Variants in ERCC6 observed in about 807,000 individuals in gnomAD.
ERCC6 encodes the protein DNA excision repair protein ERCC-6.
Under a neutral mutation model 158.7 loss-of-function variants are expected in ERCC6, and 116 were observed. That is an observed-to-expected ratio of 0.73 (90% CI 0.63 to 0.85). The LOEUF (loss-of-function observed/expected upper bound fraction) is 0.85. ERCC6 is among the 40% of genes least tolerant of loss of function. ERCC6 has a pLI of 0.00. For synonymous variants in ERCC6, 678 were observed against 659.3 expected, an observed-to-expected ratio of 1.03 and a Z score of -0.43; for missense variants, 1,698 against 1,799.4, an observed-to-expected ratio of 0.94 and a Z score of 1.02.
intron 1 of ERCC6, among the ~76,000 whole-genome samples, chr10:49,534,399 G>A (rs188580072): frequency 3.7e-4 from 56 of 152,286 alleles, no homozygotes; most frequent in African/African-American, 1.3e-3. Flanking sequence ...GTCACACACA[G>A]GTGCAAGAAT....
the ERCC6 span, among the ~76,000 whole-genome samples, chr10:49,444,586 A>T: frequency 7.9e-5 from 12 of 152,226 alleles, no homozygotes; most frequent in Non-Finnish European, 4.4e-5. Flanking sequence ...AAATTAAAAG[A>T]AAAACATCGG....
At chr10:49,506,898 C>T (rs764243644) in intron 5 of ERCC6, among the ~76,000 whole-genome samples, 8 of 150,894 alleles carry the variant, frequency 5.3e-5, no homozygotes, top group Non-Finnish European at 7.4e-5. Context: ...CTCTGAATTT[C>T]ACAAAATGGT....
intron 8 of ERCC6, among the ~76,000 whole-genome samples, chr10:49,490,357 C>CTT (rs11400742): frequency 0.02 from 2,813 of 140,364 alleles, 96 homozygotes; most frequent in African/African-American, 0.063. Context: ...AAAAATTTTC[C>CTT]TTTTTTTTTT....
chr10:49,473,464 A>G lies in ERCC6; in HGVS notation c.2709+13T>C. ...CAGCACCACTCAACTTCCCTGTTAC[A>G]TTCACATGTTACCTCATTGTATCTC... On this transcript the variant is annotated intron_variant, in intron 14 of 20. Transcript: ENST00000355832. 2 of 1,520,700 alleles carry G rather than the reference A, an allele frequency of 1.3e-6. No homozygotes were observed. The highest frequency in any genetic ancestry group is 2.2e-5 in the East Asian group (1 of 44,466). The allele number at this position is 1,520,700 out of a possible 1,614,324, so 94.2% of individuals were successfully genotyped here.
chr10:49,447,959 G>A, the ERCC6 span, among the ~76,000 whole-genome samples: 1 of 152,266 alleles, frequency 6.6e-6, no homozygotes, highest in Admixed American at 6.5e-5. Context: ...CGCTTCAACT[G>A]TGTCCACATT....
In ERCC6 at chr10:49,500,597, T is replaced by C; in HGVS notation, c.1626A>G (p.Ile542Met). ...DEMGLGKTIQ[I>M]IAFLAGLSYS... ...AGCTCAGACCTGCCAAGAAGGCAAT[T>C]ATCTGGATGGTCTTGCCCAATCCCA... is the stretch of plus-strand genomic sequence containing the variant. The change falls in exon 7 of 21, where the codon ATA (isoleucine) becomes ATG (methionine). Residue 542 changes from isoleucine (I) to methionine (M), a missense_variant. Ile to Met is a conservative substitution (Grantham distance 10). Transcript: ENST00000355832. The C allele has an allele frequency of 6.2e-7, 1 of 1,614,026 alleles. No homozygotes were observed. Among genetic ancestry groups the C allele is most frequent in the Non-Finnish European group, 8.5e-7 (1 of 1,179,920 alleles).
the ERCC6 span, among the ~76,000 whole-genome samples, chr10:49,442,769 C>A: frequency 6.6e-6 from 1 of 152,232 alleles, no homozygotes; most frequent in African/African-American, 2.4e-5. Flanking sequence ...CCTTCTCAAG[C>A]TGCTCACTGC....
At chr10:49,536,823 G>A (rs550196665) in intron 1 of ERCC6, among the ~76,000 whole-genome samples, 4 of 152,276 alleles carry the variant, frequency 2.6e-5, no homozygotes, top group African/African-American at 9.6e-5. Flanking sequence ...GAGTCACGGG[G>A]TTGAAGATGC....
Position 49,470,759 on chromosome 10 carries a change from T to C in ERCC6, c.3201A>G (p.Thr1067=). The part of the protein sequence containing the change: ...PASNISVNDA[T]SSEEKSEAKG... Reference sequence around the variant, plus strand: ...TAGCCTCAGATTTCTCTTCAGATGATGTGGCATCATTTACAGATATGTTAG... The same window carrying C: ...TAGCCTCAGATTTCTCTTCAGATGACGTGGCATCATTTACAGATATGTTAG... Residue 1067 remains threonine (T), a synonymous_variant, in exon 18 of 21, where the codon ACA becomes ACG. Coordinates refer to ENST00000355832, the MANE Select transcript of ERCC6 (RefSeq NM_000124.4). 1 of 1,614,188 alleles carries C rather than the reference T, an allele frequency of 6.2e-7. No individual in the cohort carries two copies. Among genetic ancestry groups the C allele is most frequent in the Non-Finnish European group, 8.5e-7 (1 of 1,180,038 alleles).
At position 49,458,493 on chromosome 10, in the gene ERCC6, T is replaced by C. The variant is rs992271188; in HGVS notation, c.*322A>G. 6.2e-6 allele frequency: 2 copies of C among 323,570 alleles called. No individual in the cohort carries two copies. Among genetic ancestry groups the C allele is most frequent in the Non-Finnish European group, 1.2e-5 (2 of 172,270 alleles). 20.0% of individuals were successfully genotyped at this position (323,570 alleles called of 1,614,324 possible). A position where few individuals can be genotyped will look rare whatever the true frequency, so the allele number is the denominator to read the frequency against. ...TTTCTGTTCTGCAAACTTCTAACTGTGCTCCCTGACAGCATCTTTTGGGTA... is the reference window on the plus strand; with the variant it reads ...TTTCTGTTCTGCAAACTTCTAACTGCGCTCCCTGACAGCATCTTTTGGGTA... On this transcript the variant is annotated 3_prime_UTR_variant, in exon 21 of 21. Transcript: ENST00000355832.
intron 12 of ERCC6, 134 bp downstream of exon 12, chr10:49,476,081 A>T: frequency 1.4e-6 from 1 of 716,016 alleles, no homozygotes. Flanking sequence ...CACATCTACC[A>T]TGCGGGACTT....
intron 5 of ERCC6, among the ~76,000 whole-genome samples, chr10:49,523,248 C>T (rs543270922): frequency 7.2e-5 from 11 of 152,286 alleles, no homozygotes; most frequent in African/African-American, 1.9e-4. Context: ...ACTTGAAATG[C>T]GCGGCAGTAG....
At chr10:49,527,083 T>A (rs189681756) in intron 4 of ERCC6, among the ~76,000 whole-genome samples, 76 of 152,272 alleles carry the variant, frequency 5.0e-4, no homozygotes, top group African/African-American at 1.8e-3. Context: ...AACAGAAGTG[T>A]CAGCTGCTGT....
At chr10:49,520,941 A>G (rs757548593) in intron 5 of ERCC6, among the ~76,000 whole-genome samples, 1 of 152,178 alleles carries the variant, frequency 6.6e-6, no homozygotes, top group Non-Finnish European at 1.5e-5. Flanking sequence ...TAATTTGGAT[A>G]AGGGTCATAT....
Position 49,472,908 on chromosome 10 carries a change from C to A in ERCC6, c.2829+1G>T. 6.2e-7 allele frequency: 1 copy of A among 1,613,654 alleles called. No individual in the cohort carries two copies. Among genetic ancestry groups the A allele is most frequent in the South Asian group, 1.1e-5 (1 of 90,938 alleles). ...CTTTTAAAAAAAAAATAAAAACAAA[C>A]CTGCGTGTCCGTGCTTGGGTTCCAG... is the stretch of plus-strand genomic sequence containing the variant. On this transcript the variant is annotated splice_donor_variant, in intron 15 of 20. Transcript: ENST00000355832. LOFTEE classifies it high-confidence loss of function.
chr10:49,466,598 C>CA (rs1257995069), intron 18 of ERCC6, among the ~76,000 whole-genome samples: 1 of 152,194 alleles, frequency 6.6e-6, no homozygotes, highest in African/African-American at 2.4e-5. Flanking sequence ...CCGTCACCTG[C>CA]AAAACTCATG....
chr10:49,438,588 C>G, the ERCC6 span, among the ~76,000 whole-genome samples: 1 of 152,184 alleles, frequency 6.6e-6, no homozygotes, highest in Non-Finnish European at 1.5e-5. Flanking sequence ...CCAACCCCTC[C>G]AAATCTCATG....
At position 49,458,903 on chromosome 10, in the gene ERCC6, A is replaced by G. The variant is rs200424879; in HGVS notation, c.4394T>C (p.Val1465Ala). Residue 1465 changes from valine to alanine, a missense_variant, in exon 21 of 21, where the codon GTC (valine) becomes GCC (alanine). By Grantham distance (64) the Val-to-Ala change is moderately conservative. Coordinates refer to ENST00000355832, the MANE Select transcript of ERCC6 (RefSeq NM_000124.4). ...ESKLSASQSCVFRELLRNLCT... is the reference protein window; with the variant it reads ...ESKLSASQSCAFRELLRNLCT... The stretch of plus-strand genomic sequence containing the variant: ...CAGATTTCTCAATAGTTCTCGGAAG[A>G]CACAAGACTGTGATGCAGATAACTT... 17 of 1,614,200 alleles carry G rather than the reference A, an allele frequency of 1.1e-5. No individual in the cohort carries two copies. The East Asian group carries it at 3.8e-4, about 36-fold the overall frequency.
At position 49,458,121 on chromosome 10, in the gene ERCC6, A is replaced by G. The variant is rs1850513867; in HGVS notation, c.*694T>C. The G allele has an allele frequency of 6.6e-6, 1 of 152,208 alleles. No homozygotes were observed. The allele number at this position is 152,208 out of a possible 1,614,324, so 9.4% of individuals were successfully genotyped here. A position where few individuals can be genotyped will look rare whatever the true frequency, so the allele number is the denominator to read the frequency against. The stretch of plus-strand genomic sequence containing the variant: ...TGATAACACATTTTGTGACTGTAGG[A>G]GAGAAAAAGATGCCCTCTGCTTAAA... On this transcript the variant is annotated 3_prime_UTR_variant, in exon 21 of 21. Coordinates refer to ENST00000355832, the MANE Select transcript of ERCC6 (RefSeq NM_000124.4).
Sources: gnomAD v4.1 joint callset for allele counts (sites outside exome capture counted in the v4.1 genomes callset) on GRCh38, gnomAD v4.1.1 for gene constraint, MANE v1.5 for transcripts, NCBI Gene and HGNC (gene_info 2026-07-23, HGNC 2026-07-21) for gene names.